Variants in DYM observed in about 807,000 individuals in gnomAD.
The protein encoded by DYM is dymeclin, also known as dyggve-Melchior-Clausen syndrome protein.
In DYM, 78 loss-of-function variants were observed where a neutral mutation model predicts 93.1. That is an observed-to-expected ratio of 0.84 (90% CI 0.70 to 1.01). The LOEUF (loss-of-function observed/expected upper bound fraction) is 1.01. Ranked by LOEUF, DYM falls within the 50% of genes least tolerant of loss-of-function variation. DYM has a pLI of 0.00. For missense variants in DYM, 789 were observed against 845.0 expected (o/e 0.93, Z 0.82); for synonymous variants, 321 against 319.7 (o/e 1.00, Z -0.04).
intron 14 of DYM, among the ~76,000 whole-genome samples, chr18:49,189,873 T>G (rs1380311312): frequency 2.6e-5 from 4 of 152,192 alleles, no homozygotes; most frequent in African/African-American, 9.6e-5. Context: ...TACATAAAAT[T>G]TGGCAGTCTG....
chr18:49,043,968 CCTGT>C lies in DYM; in HGVS notation c.*83_*86del. The C allele has an allele frequency of 1.4e-6, 2 of 1,471,112 alleles. No homozygotes were observed. The highest frequency in any genetic ancestry group is 9.4e-7 in the Non-Finnish European group (1 of 1,062,906). 91.1% of individuals were successfully genotyped at this position (1,471,112 alleles called of 1,614,324 possible). On this transcript the variant is annotated 3_prime_UTR_variant, in exon 18 of 18. Transcript: ENST00000675505. ...CTTTAACAGAAGATACACCAAGTAA[CCTGT>C]CTGTCTACTTCTGTTACCCAGAAAT...
In DYM at chr18:49,363,333, TATC is replaced by T. The variant is rs2066209483; in HGVS notation, c.422-103_422-101del. ...CATTCCTAATGAGAATACAAACAGT[TATC>T]ATTATATAAACTCAGATATTAATGT... On this transcript the variant is annotated intron_variant, in intron 5 of 17. Transcript: ENST00000675505. 9.6e-6 allele frequency: 8 copies of T among 830,098 alleles called. No individual in the cohort carries two copies. The South Asian group carries it at 1.1e-4, about 12-fold the overall frequency. The allele number at this position is 830,098 out of a possible 1,614,324, so 51.4% of individuals were successfully genotyped here.
At chr18:49,248,795 G>T (rs1460398717) in intron 13 of DYM, among the ~76,000 whole-genome samples, 1 of 152,182 alleles carries the variant, frequency 6.6e-6, no homozygotes, top group African/African-American at 2.4e-5. Context: ...AAATATTATT[G>T]TCTCAGGCTA....
At chr18:49,450,955 T>C (rs957013793) in intron 1 of DYM, among the ~76,000 whole-genome samples, 9 of 152,200 alleles carry the variant, frequency 5.9e-5, no homozygotes, top group Admixed American at 4.6e-4. Flanking sequence ...GCTTTGAAGA[T>C]TGTAACATTG....
intron 8 of DYM, among the ~76,000 whole-genome samples, chr18:49,320,342 A>G (rs1268545327): frequency 3.4e-4 from 51 of 152,234 alleles, no homozygotes; most frequent in Non-Finnish European, 1.5e-5. Context: ...AAGATTTTAC[A>G]TTAACATTTT....
At chr18:49,370,258 AC>A (rs1435116891) in intron 5 of DYM, among the ~76,000 whole-genome samples, 4 of 149,404 alleles carry the variant, frequency 2.7e-5, no homozygotes, top group Non-Finnish European at 1.5e-5. Flanking sequence ...AGCCTCGGAA[AC>A]AAGAGCGAAA....
chr18:49,075,602 C>T (rs1426607877), intron 17 of DYM, among the ~76,000 whole-genome samples: 1 of 152,134 alleles, frequency 6.6e-6, no homozygotes, highest in Non-Finnish European at 1.5e-5. Flanking sequence ...GGGAAAATGG[C>T]CACTGGTACG....
At chr18:49,422,686 A>G (rs1255314100) in intron 2 of DYM, among the ~76,000 whole-genome samples, 1 of 152,240 alleles carries the variant, frequency 6.6e-6, no homozygotes, top group Non-Finnish European at 1.5e-5. Context: ...GGCTCAAAAT[A>G]AAGGGATGGA....
chr18:49,096,634 A>G (rs1411836067), intron 17 of DYM, among the ~76,000 whole-genome samples: 1 of 152,190 alleles, frequency 6.6e-6, no homozygotes, highest in Non-Finnish European at 1.5e-5. Context: ...GCATTCCCCA[A>G]AGGATCTTCT....
At chr18:49,160,576 CA>C (rs34811276) in intron 15 of DYM, among the ~76,000 whole-genome samples, 28 of 135,552 alleles carry the variant, frequency 2.1e-4, no homozygotes, top group East Asian at 6.3e-4. Flanking sequence ...GACTCTGTCT[CA>C]AAAAAAAAAA....
chr18:49,121,368 T>C (rs2082364653), intron 15 of DYM, among the ~76,000 whole-genome samples: 1 of 148,752 alleles, frequency 6.7e-6, no homozygotes. Context: ...AAAAAAAGAG[T>C]AAGAAAACAA....
chr18:49,211,580 C>G (rs1347677426), intron 13 of DYM, among the ~76,000 whole-genome samples: 1 of 152,180 alleles, frequency 6.6e-6, no homozygotes, highest in Non-Finnish European at 1.5e-5. Flanking sequence ...CAAATTTCCA[C>G]AAACGAACAA....
intron 17 of DYM, among the ~76,000 whole-genome samples, chr18:49,052,502 A>G (rs1173653272): frequency 1.3e-5 from 2 of 152,224 alleles, no homozygotes; most frequent in Non-Finnish European, 2.9e-5. Context: ...CTGAATGTCA[A>G]ATCAACAACC....
chr18:49,178,904 A>AC (rs755738056), intron 14 of DYM, among the ~76,000 whole-genome samples: 59 of 151,810 alleles, frequency 3.9e-4, no homozygotes, highest in African/African-American at 7.0e-4. Flanking sequence ...TAACCATGTA[A>AC]CCCCCCCACC....
chr18:49,179,376 A>C (rs59732528), intron 14 of DYM, among the ~76,000 whole-genome samples: 6,423 of 152,220 alleles, frequency 0.042, 206 homozygotes, highest in South Asian at 0.086. Context: ...AATTTGTTTG[A>C]ACAGTGTCCA....
chr18:49,264,980 C>T (rs895512630), intron 11 of DYM, among the ~76,000 whole-genome samples: 5 of 152,142 alleles, frequency 3.3e-5, no homozygotes, highest in African/African-American at 7.2e-5. Context: ...TTCATTTAAC[C>T]GTTACCACAG....
chr18:49,062,769 T>C (rs1021708429), intron 17 of DYM, among the ~76,000 whole-genome samples: 1 of 152,238 alleles, frequency 6.6e-6, no homozygotes, highest in African/African-American at 2.4e-5. Context: ...GGTCACCCTC[T>C]TTACAAAGTT....
intron 13 of DYM, among the ~76,000 whole-genome samples, chr18:49,233,645 T>G (rs1156284407): frequency 6.6e-6 from 1 of 152,216 alleles, no homozygotes; most frequent in Non-Finnish European, 1.5e-5. Flanking sequence ...GGGCAGAGGC[T>G]GTTGACTGTT....
chr18:49,272,676 TTTATGTGCTTAG>T, intron 10 of DYM, among the ~76,000 whole-genome samples: 1 of 152,172 alleles, frequency 6.6e-6, no homozygotes, highest in East Asian at 1.9e-4. Context: ...AACTTTTTAA[TTTATGTGCTTAG>T]CACCACCTTT....
Sources: gnomAD v4.1 joint callset for allele counts (sites outside exome capture counted in the v4.1 genomes callset) on GRCh38, gnomAD v4.1.1 for gene constraint, MANE v1.5 for transcripts, NCBI Gene and HGNC (gene_info 2026-07-23, HGNC 2026-07-21) for gene names.